Variants in RANBP2 observed in about 807,000 individuals in gnomAD.
RANBP2 encodes the protein RAN binding protein 2, also known as E3 SUMO-protein ligase RanBP2.
RANBP2 carries 57 observed loss-of-function variants against 303.6 expected under a neutral mutation model. The ratio of observed to expected loss-of-function variants is 0.19; its 90% CI spans 0.15 to 0.23. The LOEUF (loss-of-function observed/expected upper bound fraction) is 0.23, where lower values mean the gene tolerates loss of function less well. Ranked by LOEUF, RANBP2 falls within the 10% of genes least tolerant of loss-of-function variation. The pLI is 1.00. For synonymous variants in RANBP2, 1,167 were observed against 1,301.5 expected (o/e 0.90, Z 2.23); for missense variants, 3,138 against 3,780.8 (o/e 0.83, Z 4.46).
chr2:109,501,100 T>TGACA, the RANBP2 span, among the ~76,000 whole-genome samples: 1 of 152,052 alleles, frequency 6.6e-6, no homozygotes, highest in African/African-American at 2.4e-5. Context: ...CCCAGGGTCT[T>TGACA]GACACTGGGA....
the RANBP2 span, among the ~76,000 whole-genome samples, chr2:109,764,687 C>A: frequency 1.4e-5 from 2 of 145,412 alleles, no homozygotes; most frequent in Non-Finnish European, 3.0e-5. Context: ...ACAAAGGCTT[C>A]CATGAAATAG....
chr2:109,630,544 T>C, the RANBP2 span, among the ~76,000 whole-genome samples: 1 of 152,214 alleles, frequency 6.6e-6, no homozygotes, highest in Non-Finnish European at 1.5e-5. Flanking sequence ...CTGACTCCTG[T>C]CTTCCACCTC....
Position 108,729,203 on chromosome 2 carries a change from A to G in RANBP2, c.140+4A>G, listed in dbSNP as rs1160503652. 1 of 1,568,082 alleles carries G rather than the reference A, an allele frequency of 6.4e-7. No individual in the cohort carries two copies. The highest frequency in any genetic ancestry group is 8.6e-7 in the Non-Finnish European group (1 of 1,158,710). On this transcript the variant is annotated splice_donor_region_variant and intron_variant, in intron 2 of 28. Transcript: ENST00000283195. Reference sequence around the variant, plus strand: ...AAGAATATGATCTTGCTAAAAAGTAAGTACAAACTGTAACATGTATTTTTT... The same window carrying G: ...AAGAATATGATCTTGCTAAAAAGTAGGTACAAACTGTAACATGTATTTTTT...
the RANBP2 span, among the ~76,000 whole-genome samples, chr2:109,599,590 G>C: frequency 5.3e-5 from 8 of 152,194 alleles, no homozygotes; most frequent in East Asian, 1.5e-3. Flanking sequence ...GCAAGGCTTA[G>C]GGTTGTCCAA....
chr2:109,647,313 G>A, the RANBP2 span, among the ~76,000 whole-genome samples: 6 of 151,818 alleles, frequency 4.0e-5, no homozygotes, highest in Non-Finnish European at 5.9e-5. Flanking sequence ...ACAGGCGTGT[G>A]CCACCACGGC....
chr2:108,923,116 G>C, the RANBP2 span, among the ~76,000 whole-genome samples: 2 of 152,176 alleles, frequency 1.3e-5, no homozygotes, highest in African/African-American at 2.4e-5. Flanking sequence ...GGCTCATGGA[G>C]GTTAAGTGAC....
rs893113548 is a variant in RANBP2 at position 108,765,767 on chromosome 2, A to C, written c.5228A>C (p.Lys1743Thr). Residue 1743 changes from lysine (K) to threonine (T), a missense_variant, in exon 20 of 29, where the codon AAA (lysine) becomes ACA (threonine). Physicochemically the swap from Lys to Thr is moderately conservative, Grantham distance 78. Coordinates refer to ENST00000283195, the MANE Select transcript of RANBP2 (RefSeq NM_006267.5). Reference sequence around the variant, plus strand: ...GTAAGAAATGAAGCCAGTGCTACCAAATGTATTGCTTGTCAGTGTCCAAGT... The same window carrying C: ...GTAAGAAATGAAGCCAGTGCTACCACATGTATTGCTTGTCAGTGTCCAAGT... ...CLVRNEASAT[K>T]CIACQCPSKQ... 1.2e-6 allele frequency: 2 copies of C among 1,614,038 alleles called. No homozygotes were observed. The highest frequency in any genetic ancestry group is 1.3e-5 in the African/African-American group (1 of 75,012).
At chr2:108,909,135 A>G in the RANBP2 span, among the ~76,000 whole-genome samples, 5 of 152,332 alleles carry the variant, frequency 3.3e-5, no homozygotes, top group Admixed American at 1.3e-4. Flanking sequence ...AAAGCAGTAT[A>G]TATTTTTTCC....
the RANBP2 span, among the ~76,000 whole-genome samples, chr2:109,561,477 A>G: frequency 6.6e-6 from 1 of 152,134 alleles, no homozygotes; most frequent in East Asian, 1.9e-4. Flanking sequence ...AAATAATAGT[A>G]ATCTCTAGCA....
At chr2:109,583,666 A>C in the RANBP2 span, among the ~76,000 whole-genome samples, 5 of 152,162 alleles carry the variant, frequency 3.3e-5, no homozygotes, top group African/African-American at 1.2e-4. Context: ...ACCTCATTCT[A>C]CCAAAAAGAC....
At chr2:109,653,425 T>G in the RANBP2 span, among the ~76,000 whole-genome samples, 1 of 150,906 alleles carries the variant, frequency 6.6e-6, no homozygotes, top group Non-Finnish European at 1.5e-5. Flanking sequence ...GTGATCTCTG[T>G]CATTCACTCC....
chr2:109,229,873 G>T, the RANBP2 span, among the ~76,000 whole-genome samples: 6 of 147,252 alleles, frequency 4.1e-5, no homozygotes. Flanking sequence ...TGCCCAGGCT[G>T]GAGTGCAGTG....
At chr2:109,275,087 T>TAAA in the RANBP2 span, among the ~76,000 whole-genome samples, 1 of 150,770 alleles carries the variant, frequency 6.6e-6, no homozygotes, top group Admixed American at 6.6e-5. Flanking sequence ...CTTCCACCAT[T>TAAA]AAAAAAAAAG....
At chr2:108,723,496 C>T (rs1474238991) in intron 1 of RANBP2, among the ~76,000 whole-genome samples, 3 of 151,972 alleles carry the variant, frequency 2.0e-5, no homozygotes, top group Non-Finnish European at 4.4e-5. Flanking sequence ...AGGATAGTCT[C>T]GATCTCCTGA....
intron 1 of RANBP2, among the ~76,000 whole-genome samples, chr2:108,727,574 T>A (rs1167210354): frequency 6.0e-5 from 9 of 150,400 alleles, no homozygotes; most frequent in Admixed American, 6.0e-4. Flanking sequence ...CTTTATCACA[T>A]GGATGGAACA....
chr2:108,763,936 A>G lies in RANBP2; in HGVS notation c.3397A>G (p.Thr1133Ala). ...TTTTCGGCGAAGTGATGATATGTTT[A>G]CTTTCCATGGTCCAGGGAAATCAGT... Reference protein sequence around the residue: ...SGFRRSDDMFTFHGPGKSVFG... With the variant: ...SGFRRSDDMFAFHGPGKSVFG... Residue 1133 changes from threonine (T) to alanine (A), a missense_variant, in exon 20 of 29, where the codon ACT becomes GCT. Physicochemically the swap from Thr to Ala is moderately conservative, Grantham distance 58. Coordinates refer to ENST00000283195, the MANE Select transcript of RANBP2 (RefSeq NM_006267.5). 1.2e-6 allele frequency: 2 copies of G among 1,613,956 alleles called. No homozygotes were observed. Among genetic ancestry groups the G allele is most frequent in the Non-Finnish European group, 1.7e-6 (2 of 1,179,978 alleles).
At chr2:109,256,215 A>G in the RANBP2 span, among the ~76,000 whole-genome samples, 1 of 152,200 alleles carries the variant, frequency 6.6e-6, no homozygotes, top group Non-Finnish European at 1.5e-5. Flanking sequence ...GTAGACAAGG[A>G]AGACCCCACA....
chr2:109,489,155 C>T, the RANBP2 span, among the ~76,000 whole-genome samples: 2 of 152,250 alleles, frequency 1.3e-5, no homozygotes, highest in African/African-American at 2.4e-5. Context: ...ATCTCTTTCC[C>T]TCTCTATTGC....
intron 1 of RANBP2, among the ~76,000 whole-genome samples, chr2:108,721,744 C>G (rs1383791242): frequency 2.6e-5 from 4 of 151,898 alleles, no homozygotes; most frequent in Non-Finnish European, 5.9e-5. Flanking sequence ...ACTGCACCGG[C>G]CATTATTTTA....
Sources: allele counts gnomAD v4.1 joint callset (sites outside exome capture counted in the v4.1 genomes callset), GRCh38; gene constraint gnomAD v4.1.1; transcripts MANE v1.5; gene names NCBI Gene and HGNC (gene_info 2026-07-23, HGNC 2026-07-21).